Variants in ZFYVE28 observed in about 807,000 individuals in gnomAD.
The protein encoded by ZFYVE28 is zinc finger FYVE-type containing 28.
A neutral mutation model predicts 82.1 loss-of-function variants in ZFYVE28; 40 were observed. That is an observed-to-expected ratio of 0.49 (90% CI 0.38 to 0.63). The LOEUF is 0.63. ZFYVE28 is among the 30% of genes least tolerant of loss of function. ZFYVE28 has a pLI of 0.00. For missense variants in ZFYVE28, 1,321 were observed against 1,242.1 expected, an observed-to-expected ratio of 1.06 and a Z score of -0.96; for synonymous variants, 612 against 546.1, an observed-to-expected ratio of 1.12 and a Z score of -1.68.
At chr4:2,374,570 C>T (rs1257951402) in intron 1 of ZFYVE28, among the ~76,000 whole-genome samples, 2 of 152,042 alleles carry the variant, frequency 1.3e-5, no homozygotes, top group South Asian at 2.1e-4. Flanking sequence ...GCTGAGACTG[C>T]GCCACTGCAC....
chr4:2,378,067 C>T (rs114651897), intron 1 of ZFYVE28, among the ~76,000 whole-genome samples: 309 of 152,326 alleles, frequency 2.0e-3, no homozygotes, highest in Middle Eastern at 6.8e-3. Flanking sequence ...AGGCTGGGCG[C>T]GGTGGCTCAC....
Position 2,271,582 on chromosome 4 carries a change from C to A in ZFYVE28, c.2428+93G>T. On this transcript the variant is annotated intron_variant, in intron 11 of 12. Transcript: ENST00000290974. The stretch of plus-strand genomic sequence containing the variant: ...CTCCCACATGCCCGGACAGGGTGGC[C>A]TGCAGCCCCTCCCCCAGGAGGAAGG... 3 of 1,478,024 alleles carry A rather than the reference C, an allele frequency of 2.0e-6. No homozygotes were observed. The South Asian group carries it at 3.5e-5, about 17-fold the overall frequency. 91.6% of individuals were successfully genotyped at this position (1,478,024 alleles called of 1,614,324 possible). A position where few individuals can be genotyped will look rare whatever the true frequency, so the allele number is the denominator to read the frequency against.
At chr4:2,363,411 A>C (rs948700329) in intron 1 of ZFYVE28, among the ~76,000 whole-genome samples, 1 of 151,994 alleles carries the variant, frequency 6.6e-6, no homozygotes, top group East Asian at 1.9e-4. Flanking sequence ...TTAGGGAGGA[A>C]CCGCCTGGGC....
intron 8 of ZFYVE28, among the ~76,000 whole-genome samples, chr4:2,288,419 C>T (rs1713092852): frequency 1.3e-5 from 2 of 152,236 alleles, no homozygotes; most frequent in Admixed American, 6.5e-5. Context: ...GAGCATCGGG[C>T]CCTGGGCTGG....
intron 1 of ZFYVE28, among the ~76,000 whole-genome samples, chr4:2,414,160 C>T (rs1006058074): frequency 6.6e-6 from 1 of 152,224 alleles, no homozygotes; most frequent in African/African-American, 2.4e-5. Context: ...CTTCAAGGGC[C>T]CATGACCAAG....
Position 2,354,105 on chromosome 4 carries a change from G to C in ZFYVE28, c.40-32C>G, listed in dbSNP as rs1724889726. On this transcript the variant is annotated intron_variant, in intron 1 of 12. Transcript: ENST00000290974. ...GAGAGAGGGGCCAGGGCCATGAGTGGGTGGGGAACTGGAGGGGATGCCTCG... is the reference window on the plus strand; with the variant it reads ...GAGAGAGGGGCCAGGGCCATGAGTGCGTGGGGAACTGGAGGGGATGCCTCG... 2.7e-6 allele frequency: 4 copies of C among 1,477,158 alleles called. No homozygotes were observed. In the South Asian group the frequency reaches 5.6e-5, roughly 21 times the overall value. 91.5% of individuals were successfully genotyped at this position (1,477,158 alleles called of 1,614,324 possible).
At chr4:2,333,845 C>G (rs1721127172) in intron 6 of ZFYVE28, among the ~76,000 whole-genome samples, 2 of 152,314 alleles carry the variant, frequency 1.3e-5, no homozygotes, top group Admixed American at 1.3e-4. Flanking sequence ...GAATAAGGAC[C>G]AAAACTGCCT....
chr4:2,349,336 G>A (rs1269127812), intron 2 of ZFYVE28, among the ~76,000 whole-genome samples: 1 of 135,358 alleles, frequency 7.4e-6, no homozygotes, highest in East Asian at 2.2e-4. Flanking sequence ...ATGGACACAG[G>A]AAGGGGAACA....
chr4:2,399,365 G>GC (rs1730921640), intron 1 of ZFYVE28, among the ~76,000 whole-genome samples: 1 of 152,174 alleles, frequency 6.6e-6, no homozygotes, highest in Non-Finnish European at 1.5e-5. Context: ...TGAAATCTCT[G>GC]CCCCTCTTTG....
intron 7 of ZFYVE28, among the ~76,000 whole-genome samples, chr4:2,307,511 AGTCATGGTCTTGCTCT>A (rs112440524): frequency 0.015 from 2,310 of 152,210 alleles, 54 homozygotes; most frequent in African/African-American, 0.053. Flanking sequence ...TTATTTTTTA[AGTCATGGTCTTGCTCT>A]GTGGCCCAAA....
At chr4:2,346,134 C>A (rs1346520697) in intron 2 of ZFYVE28, among the ~76,000 whole-genome samples, 1 of 150,512 alleles carries the variant, frequency 6.6e-6, no homozygotes, top group Non-Finnish European at 1.5e-5. Flanking sequence ...CGAGACCATC[C>A]TGGCTAATAC....
intron 1 of ZFYVE28, among the ~76,000 whole-genome samples, chr4:2,397,791 C>T (rs3128793): frequency 0.85 from 129,113 of 152,060 alleles, 54,972 homozygotes; most frequent in Admixed American, 0.9. Context: ...ACCGCATGAA[C>T]ACACCACATC....
At chr4:2,376,933 AT>A (rs1433923903) in intron 1 of ZFYVE28, among the ~76,000 whole-genome samples, 4 of 152,184 alleles carry the variant, frequency 2.6e-5, no homozygotes, top group South Asian at 2.1e-4. Context: ...CTCAAAAAAA[AT>A]AAATAAATAA....
rs1013951351 is a variant in ZFYVE28 at position 2,341,341 on chromosome 4, G to A, written c.318+137C>T. On this transcript the variant is annotated intron_variant, in intron 3 of 12. Transcript: ENST00000290974. The surrounding 1 kb of genome is among the most constrained non-coding windows in gnomAD (Gnocchi z 4.5). ...GCCTACCAGGCTCAGACCACACCAC[G>A]TAACCCAGAGTGGACGGAGCTCTTG... The A allele has an allele frequency of 6.7e-5, 84 of 1,255,482 alleles. No individual in the cohort carries two copies. Among genetic ancestry groups the A allele is most frequent in the Middle Eastern group, 5.4e-4 (2 of 3,674 alleles). The allele number at this position is 1,255,482 out of a possible 1,614,324, so 77.8% of individuals were successfully genotyped here.
At position 2,399,712 on chromosome 4, in the gene ZFYVE28, CGATACTCG is replaced by C. The variant is rs537994166; in HGVS notation, c.39+18565_39+18572del. On this transcript the variant is annotated intron_variant, in intron 1 of 12. Transcript: ENST00000290974. ...CGCCTGCCTCCCACCCAGCAAGTGG[CGATACTCG>C]GATCCCAAGTGCAGAGCAGAGCGGA... 8.7e-4 allele frequency among the ~76,000 whole-genome samples: 132 copies of C among 152,348 alleles called. 1 individual carries two copies. Among genetic ancestry groups the C allele is most frequent in the Non-Finnish European group, 5.0e-4 (34 of 68,038 alleles).
chr4:2,341,569 G>A lies in ZFYVE28; in HGVS notation c.227C>T (p.Pro76Leu). The A allele has an allele frequency of 2.5e-6, 4 of 1,614,080 alleles. No individual in the cohort carries two copies. Among genetic ancestry groups the A allele is most frequent in the Non-Finnish European group, 2.5e-6 (3 of 1,179,988 alleles). ...GAAATCTCTGGGGGCGCGGTCCTGG[G>A]GGATGCACTCATCCATGATCTGGTT... The part of the protein sequence containing the change: ...IINQIMDECI[P>L]QDRAPRDFCV... Residue 76 changes from proline (P) to leucine (L), a missense_variant, in exon 3 of 13, where the codon CCC (proline) becomes CTC (leucine). Transcript: ENST00000290974. The surrounding 1 kb of genome is among the most constrained non-coding windows in gnomAD (Gnocchi z 4.5).
rs192275402 is a variant in ZFYVE28, at chr4:2,279,638, A to G, written c.2052-5422T>C. ...ACTAAAAATACAAAAAAAATTAGCCAGGCATGGTGGCGGGCGCCTGTAGTC... is the reference window on the plus strand; with the variant it reads ...ACTAAAAATACAAAAAAAATTAGCCGGGCATGGTGGCGGGCGCCTGTAGTC... On this transcript the variant is annotated intron_variant, in intron 8 of 12. Coordinates refer to ENST00000290974, the MANE Select transcript of ZFYVE28 (RefSeq NM_020972.3). 4.4e-3 allele frequency among the ~76,000 whole-genome samples: 665 copies of G among 151,596 alleles called. 3 individuals carry two copies. Among genetic ancestry groups the G allele is most frequent in the Middle Eastern group, 0.014 (4 of 288 alleles).
intron 8 of ZFYVE28, among the ~76,000 whole-genome samples, chr4:2,279,497 T>G (rs1415589943): frequency 1.3e-5 from 2 of 151,714 alleles, no homozygotes; most frequent in African/African-American, 4.8e-5. Context: ...GATCACAAAC[T>G]GGCCGGGTGC....
chr4:2,355,045 C>T (rs1725033410), intron 1 of ZFYVE28, among the ~76,000 whole-genome samples: 2 of 151,248 alleles, frequency 1.3e-5, no homozygotes, highest in Non-Finnish European at 1.5e-5. Flanking sequence ...GCCCCAACCC[C>T]GCCTGGCCTC....
Sources: gnomAD v4.1 joint callset for allele counts (sites outside exome capture counted in the v4.1 genomes callset) on GRCh38, gnomAD v4.1.1 for gene constraint, Gnocchi (gnomAD v3.1) non-coding constraint, MANE v1.5 for transcripts, NCBI Gene and HGNC (gene_info 2026-07-23, HGNC 2026-07-21) for gene names.